AKT3: variants seen among roughly 807,000 people sequenced by gnomAD.
The protein encoded by AKT3 is AKT serine/threonine kinase 3, also known as RAC-gamma serine/threonine-protein kinase.
Under a neutral mutation model 65.3 loss-of-function variants are expected in AKT3, and 15 were observed. The ratio of observed to expected loss-of-function variants is 0.23; its 90% CI spans 0.15 to 0.35. AKT3 has a LOEUF of 0.35. AKT3 is among the 10% of genes least tolerant of loss of function. The pLI is 1.00. For missense variants in AKT3, 243 were observed against 576.5 expected, an observed-to-expected ratio of 0.42 and a Z score of 5.92; for synonymous variants, 206 against 183.8, an observed-to-expected ratio of 1.12 and a Z score of -0.98.
At chr1:243,823,991 C>T (rs1344726281) in intron 2 of AKT3, among the ~76,000 whole-genome samples, 4 of 152,270 alleles carry the variant, frequency 2.6e-5, no homozygotes, top group Non-Finnish European at 4.4e-5. Flanking sequence ...AGGCATCACA[C>T]TACCTGACTT....
At chr1:243,607,648 T>C (rs1237522117) in intron 8 of AKT3, among the ~76,000 whole-genome samples, 1 of 152,160 alleles carries the variant, frequency 6.6e-6, no homozygotes, top group Non-Finnish European at 1.5e-5. Context: ...CTGAAATGAA[T>C]TAAGACTTTA....
rs191153527 is a variant in AKT3, at chr1:243,686,346, G to T, written c.172+9245C>A. 1.5e-3 allele frequency among the ~76,000 whole-genome samples: 223 copies of T among 151,944 alleles called. 1 individual carries two copies. Among genetic ancestry groups the T allele is most frequent in the African/African-American group, 5.2e-3 (215 of 41,458 alleles). On this transcript the variant is annotated intron_variant, in intron 3 of 13. Transcript: ENST00000673466. The stretch of plus-strand genomic sequence containing the variant: ...CTCACTCTGTTTAGTCATTAAGAAA[G>T]AATAGCCCTGACTAATCAAAGTCCT...
intron 2 of AKT3, among the ~76,000 whole-genome samples, chr1:243,816,005 G>A (rs1459335507): frequency 6.6e-6 from 1 of 152,132 alleles, no homozygotes; most frequent in Non-Finnish European, 1.5e-5. Context: ...CTGTGGGAAA[G>A]GAGTGACTTA....
chr1:243,796,968 G>C (rs1054553944), intron 2 of AKT3, among the ~76,000 whole-genome samples: 7 of 152,066 alleles, frequency 4.6e-5, no homozygotes, highest in African/African-American at 1.4e-4. Context: ...GGGGCTGAGA[G>C]GAGAGAGAAA....
At chr1:243,781,071 TGGTA>T (rs759265863) in intron 2 of AKT3, among the ~76,000 whole-genome samples, 26 of 152,114 alleles carry the variant, frequency 1.7e-4, no homozygotes, top group Non-Finnish European at 2.6e-4. Context: ...CCTACACTCT[TGGTA>T]ACTACTGTTA....
intron 4 of AKT3, among the ~76,000 whole-genome samples, chr1:243,651,972 C>T (rs373404586): frequency 7.9e-5 from 12 of 151,852 alleles, no homozygotes; most frequent in Non-Finnish European, 1.3e-4. Flanking sequence ...AGACTAACAG[C>T]GGATCTCTCT....
intron 12 of AKT3, among the ~76,000 whole-genome samples, chr1:243,544,563 C>A (rs1330610790): frequency 6.6e-6 from 1 of 152,098 alleles, no homozygotes; most frequent in Non-Finnish European, 1.5e-5. Flanking sequence ...GGCTGCTGAG[C>A]TGTGATCGTG....
intron 2 of AKT3, among the ~76,000 whole-genome samples, chr1:243,808,861 T>A (rs757850611): frequency 1.3e-5 from 2 of 152,102 alleles, no homozygotes; most frequent in Non-Finnish European, 2.9e-5. Context: ...GCCAGAAGAG[T>A]GTGGGGGCCA....
intron 2 of AKT3, among the ~76,000 whole-genome samples, chr1:243,733,609 T>C (rs1687679178): frequency 6.6e-6 from 1 of 152,162 alleles, no homozygotes; most frequent in Admixed American, 6.5e-5. Context: ...ATATACAAGT[T>C]ATATCTCAGA....
intron 12 of AKT3, among the ~76,000 whole-genome samples, chr1:243,528,395 T>G (rs558594602): frequency 1.3e-5 from 2 of 152,106 alleles, no homozygotes; most frequent in East Asian, 1.9e-4. Flanking sequence ...CATGGGGGGG[T>G]TTGGTGTACA....
intron 6 of AKT3, among the ~76,000 whole-genome samples, chr1:243,629,307 A>G (rs1373243551): frequency 6.6e-6 from 1 of 152,120 alleles, no homozygotes; most frequent in Non-Finnish European, 1.5e-5. Flanking sequence ...AATAAATAAT[A>G]AATGGATGGG....
intron 8 of AKT3, among the ~76,000 whole-genome samples, chr1:243,603,708 C>T (rs1677185543): frequency 6.6e-6 from 1 of 152,126 alleles, no homozygotes; most frequent in Admixed American, 6.6e-5. Context: ...GCATGATCTG[C>T]TTAAGAACTC....
intron 1 of AKT3, among the ~76,000 whole-genome samples, chr1:243,848,672 A>G (rs1045399313): frequency 1.3e-5 from 2 of 152,248 alleles, no homozygotes; most frequent in Admixed American, 1.3e-4. Flanking sequence ...AATACGGAAC[A>G]CATGTCTAAA....
intron 2 of AKT3, among the ~76,000 whole-genome samples, chr1:243,809,677 GC>G (rs1381830840): frequency 6.6e-6 from 1 of 152,156 alleles, no homozygotes; most frequent in Non-Finnish European, 1.5e-5. Flanking sequence ...GCTGCACCAA[GC>G]AGACCTAATA....
At chr1:243,797,253 T>C (rs751298540) in intron 2 of AKT3, among the ~76,000 whole-genome samples, 6 of 152,250 alleles carry the variant, frequency 3.9e-5, no homozygotes, top group South Asian at 2.1e-4. Context: ...GCTCTCTCTC[T>C]CCTTTCCCCT....
chr1:243,628,435 A>G (rs186217209), intron 6 of AKT3, among the ~76,000 whole-genome samples: 198 of 152,204 alleles, frequency 1.3e-3, no homozygotes, highest in Admixed American at 2.4e-3. Flanking sequence ...AGTAGCTGGT[A>G]TCACCAGAGG....
At chr1:243,635,168 C>G (rs1327347812) in intron 6 of AKT3, among the ~76,000 whole-genome samples, 1 of 151,706 alleles carries the variant, frequency 6.6e-6, no homozygotes, top group Non-Finnish European at 1.5e-5. Context: ...AGAAAATTCC[C>G]AAATTTGTAG....
At chr1:243,526,567 C>T (rs1671096422) in intron 12 of AKT3, among the ~76,000 whole-genome samples, 1 of 151,948 alleles carries the variant, frequency 6.6e-6, no homozygotes, top group Non-Finnish European at 1.5e-5. Context: ...TGACATATTA[C>T]AAAGCCATCA....
chr1:243,778,618 A>AT (rs1281566130), intron 2 of AKT3, among the ~76,000 whole-genome samples: 6 of 152,206 alleles, frequency 3.9e-5, no homozygotes, highest in Admixed American at 3.9e-4. Context: ...GGTACAAAGT[A>AT]TAAGTGTGTG....
Sources: gnomAD v4.1 joint callset for allele counts (sites outside exome capture counted in the v4.1 genomes callset) on GRCh38, gnomAD v4.1.1 for gene constraint, MANE v1.5 for transcripts, NCBI Gene and HGNC (gene_info 2026-07-23, HGNC 2026-07-21) for gene names.